Variants in USP12 observed in about 807,000 individuals in gnomAD.
USP12 encodes the protein ubiquitin specific peptidase 12, also known as ubiquitin carboxyl-terminal hydrolase 12.
USP12 carries 19 observed loss-of-function variants against 45.5 expected under a neutral mutation model. That is an observed-to-expected ratio of 0.42 (90% CI 0.29 to 0.61). USP12 has a LOEUF of 0.61. Among genes scored for constraint, USP12 ranks in the 20% least tolerant of loss-of-function variants. USP12 has a pLI of 0.22. For synonymous variants in USP12, 149 were observed against 148.8 expected (o/e 1.00, Z -0.01); for missense variants, 242 against 447.7 (o/e 0.54, Z 4.15).
At chr13:27,161,439 TG>T (rs778604159) in intron 1 of USP12, among the ~76,000 whole-genome samples, 8 of 152,184 alleles carry the variant, frequency 5.3e-5, no homozygotes, top group Non-Finnish European at 1.2e-4. Context: ...TGTGCCCAGA[TG>T]GGCTCTAATT....
chr13:27,133,397 G>A (rs540695800), intron 1 of USP12, among the ~76,000 whole-genome samples: 83 of 152,156 alleles, frequency 5.5e-4, no homozygotes, highest in African/African-American at 1.8e-3. Context: ...TCTAAATTAC[G>A]TAAAAAGCTT....
chr13:27,141,482 G>GA (rs980038046), intron 1 of USP12, among the ~76,000 whole-genome samples: 4 of 152,160 alleles, frequency 2.6e-5, no homozygotes, highest in African/African-American at 7.2e-5. Context: ...TAAGGCTGGA[G>GA]AAAGGAAGAT....
At chr13:27,116,672 G>A (rs1875758734) in intron 1 of USP12, 76 bp from the exon 2 acceptor site, 5 of 1,371,528 alleles carry the variant, frequency 3.6e-6, no homozygotes, top group Non-Finnish European at 5.0e-6. Flanking sequence ...TCAATGACAG[G>A]CCGCAACATG....
chr13:27,072,057 T>G (rs1370015179), intron 7 of USP12, among the ~76,000 whole-genome samples: 7 of 152,196 alleles, frequency 4.6e-5, no homozygotes, highest in Non-Finnish European at 1.0e-4. Flanking sequence ...CATTTGATCC[T>G]GTAGGTGAGA....
intron 1 of USP12, among the ~76,000 whole-genome samples, chr13:27,136,447 A>C (rs745896191): frequency 1.3e-5 from 2 of 152,156 alleles, no homozygotes; most frequent in Non-Finnish European, 2.9e-5. Context: ...GCAGGGAACC[A>C]AGATCATGCC....
intron 6 of USP12, among the ~76,000 whole-genome samples, chr13:27,082,585 GC>G (rs927748872): frequency 1.3e-5 from 2 of 152,190 alleles, no homozygotes; most frequent in African/African-American, 4.8e-5. Context: ...GGTGCAAGAG[GC>G]CTAGCTTTCA....
chr13:27,096,666 T>C (rs955694763), intron 3 of USP12, among the ~76,000 whole-genome samples: 1 of 152,192 alleles, frequency 6.6e-6, no homozygotes, highest in African/African-American at 2.4e-5. Flanking sequence ...TGCCAAGAAA[T>C]GGCAGAGCCA....
intron 6 of USP12, among the ~76,000 whole-genome samples, chr13:27,078,820 G>T (rs1181820193): frequency 6.6e-6 from 1 of 151,950 alleles, no homozygotes; most frequent in African/African-American, 2.4e-5. Context: ...AATCAGTAAG[G>T]ATAGGAAAAT....
chr13:27,153,533 A>G (rs1446932434), intron 1 of USP12, among the ~76,000 whole-genome samples: 1 of 152,246 alleles, frequency 6.6e-6, no homozygotes, highest in Non-Finnish European at 1.5e-5. Context: ...CCATAACAAT[A>G]AAAAGCTGTG....
chr13:27,139,261 T>G (rs971246095), intron 1 of USP12, among the ~76,000 whole-genome samples: 11 of 152,238 alleles, frequency 7.2e-5, no homozygotes, highest in Admixed American at 7.2e-4. Flanking sequence ...TACCCTATAT[T>G]CCTACAACTG....
intron 2 of USP12, among the ~76,000 whole-genome samples, chr13:27,114,324 A>G (rs1875609791): frequency 1.3e-5 from 2 of 152,256 alleles, no homozygotes; most frequent in Admixed American, 1.3e-4. Flanking sequence ...AGTACTAACC[A>G]GCTACAATAT....
At chr13:27,091,301 G>A (rs960550517) in intron 4 of USP12, among the ~76,000 whole-genome samples, 4 of 152,206 alleles carry the variant, frequency 2.6e-5, no homozygotes, top group African/African-American at 7.2e-5. Flanking sequence ...AGAAGTAAAA[G>A]TTACACAGTC....
chr13:27,111,639 T>C (rs912698324), intron 2 of USP12, among the ~76,000 whole-genome samples: 1 of 152,142 alleles, frequency 6.6e-6, no homozygotes, highest in African/African-American at 2.4e-5. Flanking sequence ...TTTATATACC[T>C]ACTACTAAGA....
At chr13:27,145,608 CTG>C (rs1566002713) in intron 1 of USP12, among the ~76,000 whole-genome samples, 2 of 152,310 alleles carry the variant, frequency 1.3e-5, no homozygotes, top group African/African-American at 4.8e-5. Context: ...CTGCTCATCA[CTG>C]TGAAATATCA....
At chr13:27,113,644 T>G (rs2137794872) in intron 2 of USP12, among the ~76,000 whole-genome samples, 1 of 152,318 alleles carries the variant, frequency 6.6e-6, no homozygotes, top group East Asian at 1.9e-4. Context: ...CTTTCTCTTC[T>G]CTATGCAAAT....
intron 3 of USP12, among the ~76,000 whole-genome samples, chr13:27,105,381 A>G (rs1341661928): frequency 6.6e-6 from 1 of 152,232 alleles, no homozygotes; most frequent in East Asian, 1.9e-4. Context: ...ACATGAAAGC[A>G]TTATGAAAAC....
At chr13:27,087,712 C>A (rs972928131) in intron 6 of USP12, among the ~76,000 whole-genome samples, 5 of 152,064 alleles carry the variant, frequency 3.3e-5, no homozygotes, top group African/African-American at 1.2e-4. Flanking sequence ...AAAGAAAGAG[C>A]AAAATGAGCC....
intron 1 of USP12, among the ~76,000 whole-genome samples, chr13:27,117,395 G>T (rs908680135): frequency 6.6e-6 from 1 of 152,032 alleles, no homozygotes; most frequent in African/African-American, 2.4e-5. Context: ...TTCTTACACA[G>T]AACTGAAGTT....
At chr13:27,171,118 C>G (rs1407268126) in intron 1 of USP12, among the ~76,000 whole-genome samples, 1 of 151,214 alleles carries the variant, frequency 6.6e-6, no homozygotes, top group Non-Finnish European at 1.5e-5. Flanking sequence ...CCCTCCCGCT[C>G]GGCGCGCGAC....
Sources: gnomAD v4.1 joint callset for allele counts (sites outside exome capture counted in the v4.1 genomes callset) on GRCh38, gnomAD v4.1.1 for gene constraint, MANE v1.5 for transcripts, NCBI Gene and HGNC (gene_info 2026-07-23, HGNC 2026-07-21) for gene names.